Variants in LPP observed in about 807,000 individuals in gnomAD.
The protein encoded by LPP is lipoma-preferred partner.
A neutral mutation model predicts 60.4 loss-of-function variants in LPP; 38 were observed. That is an observed-to-expected ratio of 0.63 (90% CI 0.49 to 0.83). The LOEUF (loss-of-function observed/expected upper bound fraction) is 0.83, where lower values mean the gene tolerates loss of function less well. Ranked by LOEUF, LPP falls within the 40% of genes least tolerant of loss-of-function variation. The pLI is 0.00. For synonymous variants in LPP, 328 were observed against 290.8 expected, an observed-to-expected ratio of 1.13 and a Z score of -1.30; for missense variants, 902 against 783.6, an observed-to-expected ratio of 1.15 and a Z score of -1.80.
At chr3:188,289,619 T>C (rs926218043) in intron 2 of LPP, among the ~76,000 whole-genome samples, 1 of 152,216 alleles carries the variant, frequency 6.6e-6, no homozygotes, top group African/African-American at 2.4e-5. Context: ...GTAGAACTGC[T>C]GTGGTCTCCC....
chr3:188,689,003 A>G, intron 7 of LPP: 3 of 438,632 alleles, frequency 6.8e-6, no homozygotes, highest in South Asian at 5.0e-5. Context: ...TCAGGGAAAG[A>G]TTAAACGAGA....
intron 7 of LPP, among the ~76,000 whole-genome samples, chr3:188,640,803 C>G (rs1310089770): frequency 1.3e-5 from 2 of 152,098 alleles, no homozygotes. Context: ...AAAGAGCAAT[C>G]TGTCTACATG....
intron 2 of LPP, among the ~76,000 whole-genome samples, chr3:188,335,832 C>T (rs549071641): frequency 7.2e-5 from 11 of 152,102 alleles, no homozygotes; most frequent in South Asian, 2.1e-4. Flanking sequence ...TCTTTGCATC[C>T]GGTGGAACAA....
intron 7 of LPP, among the ~76,000 whole-genome samples, chr3:188,688,449 T>C (rs758572741): frequency 8.5e-5 from 13 of 152,232 alleles, no homozygotes; most frequent in Non-Finnish European, 1.6e-4. Flanking sequence ...TTCTTGGCTT[T>C]GTTTGCCCAT....
Position 188,609,171 on chromosome 3 carries a change from G to A in LPP, c.440G>A (p.Gly147Asp). 6.2e-7 allele frequency: 1 copy of A among 1,607,122 alleles called. No individual in the cohort carries two copies. The change falls in exon 7 of 12, where the codon GGT becomes GAT. Residue 147 changes from glycine to aspartate, a missense_variant. Transcript: ENST00000617246. This position sits in a 1 kb window ranked among gnomAD's most constrained non-coding sequence, Gnocchi z 6.9. ...YKPRPPQSST[G>D]STASPPVSTP... ...TCCTATTCTTTTTAGAGCTCCACTG[G>A]TTCAACAGCCTCTCCTCCAGTTTCG...
rs546458997 is a variant in LPP at position 188,366,734 on chromosome 3, C to T, written c.-10+25015C>T. On this transcript the variant is annotated intron_variant, in intron 3 of 11. Coordinates refer to ENST00000617246, the MANE Select transcript of LPP (RefSeq NM_001375462.1). ...ATCACAGACTCATGAGATGTGAAAGCGGGGAATCTGTTTAGCTCACATGCG... is the reference window on the plus strand; with the variant it reads ...ATCACAGACTCATGAGATGTGAAAGTGGGGAATCTGTTTAGCTCACATGCG... 6.6e-5 allele frequency among the ~76,000 whole-genome samples: 10 copies of T among 152,146 alleles called. No homozygotes were observed. In the East Asian group the frequency reaches 9.7e-4, roughly 15 times the overall value.
At chr3:188,548,852 A>G (rs1452186442) in intron 6 of LPP, among the ~76,000 whole-genome samples, 1 of 152,192 alleles carries the variant, frequency 6.6e-6, no homozygotes, top group Non-Finnish European at 1.5e-5. Flanking sequence ...CCTCTGCCCA[A>G]CACTATCAAG....
At chr3:188,340,963 TTAAC>T (rs1444344707) in intron 2 of LPP, among the ~76,000 whole-genome samples, 3 of 152,200 alleles carry the variant, frequency 2.0e-5, no homozygotes, top group South Asian at 2.1e-4. Context: ...TTTAAAAAGT[TTAAC>T]TAAGGGCAAC....
At chr3:188,413,103 G>T (rs898077078) in intron 4 of LPP, among the ~76,000 whole-genome samples, 2 of 152,154 alleles carry the variant, frequency 1.3e-5, no homozygotes, top group Non-Finnish European at 2.9e-5. Context: ...TGTATCCTGG[G>T]TAGGCAGGAC....
intron 3 of LPP, among the ~76,000 whole-genome samples, chr3:188,376,296 A>T (rs563147620): frequency 0.011 from 1,677 of 151,694 alleles, 25 homozygotes; most frequent in African/African-American, 0.037. Context: ...TCTAATGTTG[A>T]CAGTGGGGTG....
chr3:188,608,799 G>A (rs1843008373), intron 6 of LPP, among the ~76,000 whole-genome samples: 1 of 152,138 alleles, frequency 6.6e-6, no homozygotes, highest in Admixed American at 6.5e-5. Context: ...TTCAACCTAT[G>A]AACACAGATG....
intron 2 of LPP, among the ~76,000 whole-genome samples, chr3:188,278,001 A>C (rs1402610260): frequency 6.6e-6 from 1 of 152,092 alleles, no homozygotes; most frequent in Non-Finnish European, 1.5e-5. Context: ...AACTTCATGC[A>C]TTTCTTTTTG....
chr3:188,155,873 G>A (rs1448604654), intron 1 of LPP, among the ~76,000 whole-genome samples: 1 of 152,120 alleles, frequency 6.6e-6, no homozygotes, highest in Non-Finnish European at 1.5e-5. Flanking sequence ...AAATTAGCTG[G>A]GTGTGGTGGC....
At chr3:188,809,295 C>CAA (rs1455271343) in intron 9 of LPP, among the ~76,000 whole-genome samples, 1 of 152,102 alleles carries the variant, frequency 6.6e-6, no homozygotes, top group Non-Finnish European at 1.5e-5. Flanking sequence ...TTTACATTCC[C>CAA]AACAACAGTG....
At chr3:188,836,328 G>A (rs567484479) in intron 9 of LPP, among the ~76,000 whole-genome samples, 1 of 152,280 alleles carries the variant, frequency 6.6e-6, no homozygotes, top group South Asian at 2.1e-4. Flanking sequence ...CATATTCCTG[G>A]GTATTCATAT....
At chr3:188,479,461 G>T (rs1473846857) in intron 4 of LPP, among the ~76,000 whole-genome samples, 1 of 152,196 alleles carries the variant, frequency 6.6e-6, no homozygotes, top group Non-Finnish European at 1.5e-5. Flanking sequence ...TTGGAACATT[G>T]ACATCTGAGA....
At chr3:188,822,871 G>A (rs931048042) in intron 9 of LPP, among the ~76,000 whole-genome samples, 48 of 152,246 alleles carry the variant, frequency 3.2e-4, no homozygotes, top group African/African-American at 1.0e-3. Flanking sequence ...TTATGTCAGT[G>A]TGAAATCCCT....
At chr3:188,307,201 T>C (rs951972536) in intron 2 of LPP, among the ~76,000 whole-genome samples, 1 of 152,218 alleles carries the variant, frequency 6.6e-6, no homozygotes, top group Non-Finnish European at 1.5e-5. Flanking sequence ...GGAAATGAAG[T>C]ATCTTTCCTG....
intron 2 of LPP, among the ~76,000 whole-genome samples, chr3:188,252,057 TATATATATATATATATATACAC>T (rs1308064161): frequency 3.0e-5 from 3 of 99,498 alleles, no homozygotes; most frequent in East Asian, 2.6e-4. Flanking sequence ...TATATATATA[TATATATATATATATATATACAC>T]ACACACACAC....
Sources: gnomAD v4.1 joint callset for allele counts (sites outside exome capture counted in the v4.1 genomes callset) on GRCh38, gnomAD v4.1.1 for gene constraint, Gnocchi (gnomAD v3.1) non-coding constraint, MANE v1.5 for transcripts, NCBI Gene and HGNC (gene_info 2026-07-23, HGNC 2026-07-21) for gene names.